Variants in SPAG9 observed in about 807,000 individuals in gnomAD.
SPAG9 encodes the protein C-Jun-amino-terminal kinase-interacting protein 4.
In SPAG9, 35 loss-of-function variants were observed where a neutral mutation model predicts 166.5. The ratio of observed to expected loss-of-function variants is 0.21; its 90% CI spans 0.16 to 0.28. SPAG9 has a LOEUF of 0.28. SPAG9 is among the 10% of genes least tolerant of loss of function. The probability of loss-of-function intolerance (pLI) is 1.00; values close to 1 mark genes in which losing one functional copy is unlikely to be tolerated. For missense variants in SPAG9, 1,235 were observed against 1,603.3 expected, an observed-to-expected ratio of 0.77 and a Z score of 3.92; for synonymous variants, 534 against 565.5, an observed-to-expected ratio of 0.94 and a Z score of 0.79.
chr17:51,069,117 ATTAAC>A (rs2047750431), intron 2 of SPAG9, among the ~76,000 whole-genome samples: 1 of 152,074 alleles, frequency 6.6e-6, no homozygotes, highest in South Asian at 2.1e-4. Context: ...TTTCTAAATA[ATTAAC>A]TTGTCATTCT....
At chr17:51,119,540 G>C (rs1463423682) in intron 1 of SPAG9, among the ~76,000 whole-genome samples, 2 of 152,148 alleles carry the variant, frequency 1.3e-5, no homozygotes, top group African/African-American at 4.8e-5. Context: ...CACTGCTCGG[G>C]TGCTAGAGTT....
intron 1 of SPAG9, among the ~76,000 whole-genome samples, chr17:51,119,205 A>G (rs1282905769): frequency 6.6e-6 from 1 of 152,222 alleles, no homozygotes; most frequent in Admixed American, 6.6e-5. Flanking sequence ...TAAAACAAAA[A>G]TTTAATGGTG....
intron 1 of SPAG9, among the ~76,000 whole-genome samples, chr17:51,109,555 G>A (rs1049102641): frequency 6.6e-6 from 1 of 151,908 alleles, no homozygotes; most frequent in African/African-American, 2.4e-5. Context: ...ATTTCTTATA[G>A]AAAAGTAACT....
intron 23 of SPAG9, 41 bp downstream of exon 23, chr17:50,985,657 T>C (rs572308986): frequency 3.5e-6 from 4 of 1,141,944 alleles, no homozygotes; most frequent in Non-Finnish European, 5.2e-6. Flanking sequence ...TATACCAAAA[T>C]GCATAGTTTT....
chr17:51,099,759 TAAA>T (rs58721041), intron 1 of SPAG9, among the ~76,000 whole-genome samples: 7 of 43,652 alleles, frequency 1.6e-4, no homozygotes, highest in African/African-American at 4.2e-4. Flanking sequence ...CTTCTATTAC[TAAA>T]AAAAAAAAAA....
At chr17:51,097,901 C>T (rs967194633) in intron 1 of SPAG9, among the ~76,000 whole-genome samples, 1 of 152,114 alleles carries the variant, frequency 6.6e-6, no homozygotes, top group Non-Finnish European at 1.5e-5. Flanking sequence ...GGGCTCACTG[C>T]AACCTCGACC....
intron 7 of SPAG9, among the ~76,000 whole-genome samples, chr17:51,020,931 GATA>G (rs1175855367): frequency 5.9e-5 from 9 of 151,934 alleles, no homozygotes; most frequent in Non-Finnish European, 8.8e-5. Flanking sequence ...CTGTTTAGGG[GATA>G]ATAAGAAAAA....
In SPAG9 at chr17:51,120,673, G is replaced by C. The variant is rs751374296; in HGVS notation, c.-17C>G. ...CAGCTCCATGGTGGCAAGCGGACGG[G>C]CGGGCGGCCCGGGGCGTCGCCGGCA... On this transcript the variant is annotated 5_prime_UTR_variant, in exon 1 of 30. Coordinates refer to ENST00000262013, the MANE Select transcript of SPAG9 (RefSeq NM_001130528.3). This position sits in a 1 kb window ranked among gnomAD's most constrained non-coding sequence, Gnocchi z 4.7. 3.2e-6 allele frequency: 5 copies of C among 1,559,230 alleles called. No individual in the cohort carries two copies. Among genetic ancestry groups the C allele is most frequent in the Non-Finnish European group, 3.5e-6 (4 of 1,153,814 alleles).
intron 6 of SPAG9, among the ~76,000 whole-genome samples, chr17:51,024,073 A>G (rs1422923878): frequency 6.6e-6 from 1 of 152,184 alleles, no homozygotes; most frequent in Non-Finnish European, 1.5e-5. Context: ...AGGCAGGCGG[A>G]TCACCTGAGG....
intron 8 of SPAG9, among the ~76,000 whole-genome samples, chr17:51,015,473 T>G (rs183490451): frequency 1.6e-4 from 25 of 152,236 alleles, no homozygotes; most frequent in Admixed American, 1.2e-3. Context: ...AGAATCAGCA[T>G]TATTTACTTA....
chr17:51,087,588 G>C (rs188874231), intron 1 of SPAG9, among the ~76,000 whole-genome samples: 1 of 152,286 alleles, frequency 6.6e-6, no homozygotes, highest in East Asian at 1.9e-4. Context: ...ACACTAAAAA[G>C]AAAGTTCTCA....
chr17:51,088,565 G>T (rs139638273), intron 1 of SPAG9, among the ~76,000 whole-genome samples: 413 of 152,278 alleles, frequency 2.7e-3, no homozygotes, highest in African/African-American at 9.6e-3. Flanking sequence ...GGGAGGCCAA[G>T]GTGGGCAGAT....
chr17:51,007,556 A>G (rs2045278969), intron 9 of SPAG9, among the ~76,000 whole-genome samples: 1 of 152,112 alleles, frequency 6.6e-6, no homozygotes, highest in South Asian at 2.1e-4. Context: ...TTTCTTTTTT[A>G]AATCTGAATC....
At chr17:51,025,983 C>T (rs752528755) in intron 6 of SPAG9, among the ~76,000 whole-genome samples, 8 of 152,036 alleles carry the variant, frequency 5.3e-5, no homozygotes, top group Non-Finnish European at 8.8e-5. Context: ...ATTAAGACGG[C>T]GGATTCAGAA....
rs146592349 is a variant in SPAG9 at position 51,120,570 on chromosome 17, G to A, written c.87C>T (p.Gly29=). 595 of 1,613,472 alleles carry A rather than the reference G, an allele frequency of 3.7e-4. 3 individuals are homozygous for A. The African/African-American group carries it at 7.5e-3, about 20-fold the overall frequency. The part of the protein sequence containing the change: ...VMSERVSGLA[G]SIYREFERLI... ...GCCGCTCGAACTCGCGGTAGATGGA[G>A]CCGGCCAGGCCGGACACCCGCTCCG... is the stretch of plus-strand genomic sequence containing the variant. The change falls in exon 1 of 30, where the codon GGC becomes GGT. Residue 29 remains glycine (G), a synonymous_variant. Transcript: ENST00000262013. This position sits in a 1 kb window ranked among gnomAD's most constrained non-coding sequence, Gnocchi z 4.7.
chr17:51,054,109 G>A (rs1436708504), intron 3 of SPAG9, among the ~76,000 whole-genome samples: 1 of 137,920 alleles, frequency 7.3e-6, no homozygotes, highest in Non-Finnish European at 1.5e-5. Context: ...TCATTAAAAT[G>A]TGAGGGCTTT....
At chr17:51,116,139 G>A (rs571598448) in intron 1 of SPAG9, among the ~76,000 whole-genome samples, 16 of 151,922 alleles carry the variant, frequency 1.1e-4, no homozygotes, top group South Asian at 6.2e-4. Context: ...TCCATCTCCC[G>A]GGTTCAAGCA....
chr17:51,093,652 G>A lies in SPAG9; in HGVS notation c.304-13948C>T, dbSNP rs2048531078. Among the ~76,000 whole-genome samples the A allele has an allele frequency of 5.4e-5, 7 of 128,832 alleles. No individual in the cohort carries two copies. In the South Asian group the frequency reaches 9.4e-4, roughly 17 times the overall value. The allele number at this position is 128,832 out of a possible 152,430, so 84.5% of individuals were successfully genotyped here. A position where few individuals can be genotyped will look rare whatever the true frequency, so the allele number is the denominator to read the frequency against. On this transcript the variant is annotated intron_variant, in intron 1 of 29. Coordinates refer to ENST00000262013, the MANE Select transcript of SPAG9 (RefSeq NM_001130528.3). ...GGAGCTCACAGTGAGCCGAGATTGCGCCACTGCACTCCAGCCTGGGCGACA... is the reference window on the plus strand; with the variant it reads ...GGAGCTCACAGTGAGCCGAGATTGCACCACTGCACTCCAGCCTGGGCGACA...
intron 2 of SPAG9, among the ~76,000 whole-genome samples, chr17:51,077,089 GCTATCTAT>G (rs113464929): frequency 0.035 from 2,369 of 67,040 alleles, 66 homozygotes; most frequent in East Asian, 0.065. Context: ...TATCTAGCTA[GCTATCTAT>G]CTAGCTAGCT....
Sources: gnomAD v4.1 joint callset for allele counts (sites outside exome capture counted in the v4.1 genomes callset) on GRCh38, gnomAD v4.1.1 for gene constraint, Gnocchi (gnomAD v3.1) non-coding constraint, MANE v1.5 for transcripts, NCBI Gene and HGNC (gene_info 2026-07-23, HGNC 2026-07-21) for gene names.